Variants in ITSN1 observed in about 807,000 individuals in gnomAD.
ITSN1 encodes intersectin 1.
A neutral mutation model predicts 239.8 loss-of-function variants in ITSN1; 58 were observed. That is an observed-to-expected ratio of 0.24 (90% confidence interval 0.20 to 0.30). The LOEUF (loss-of-function observed/expected upper bound fraction) is 0.30. ITSN1 is among the 10% of genes least tolerant of loss of function. The probability of loss-of-function intolerance (pLI) is 1.00; values close to 1 mark genes in which losing one functional copy is unlikely to be tolerated. For missense variants in ITSN1, 1,558 were observed against 2,103.3 expected (o/e 0.74, Z 5.07); for synonymous variants, 780 against 770.8 (o/e 1.01, Z -0.20).
chr21:33,825,330 G>GA (rs374488777), intron 25 of ITSN1, among the ~76,000 whole-genome samples: 31 of 149,798 alleles, frequency 2.1e-4, no homozygotes, highest in African/African-American at 2.9e-4. Context: ...CAATAATAAT[G>GA]AAAAAAAAAC....
intron 29 of ITSN1, among the ~76,000 whole-genome samples, chr21:33,845,814 C>T (rs2074972951): frequency 6.6e-6 from 1 of 152,184 alleles, no homozygotes; most frequent in East Asian, 1.9e-4. Context: ...TCCAAATGGC[C>T]CTGTTGAAAA....
At chr21:33,871,807 T>G (rs1478298103) in intron 33 of ITSN1, among the ~76,000 whole-genome samples, 1 of 152,080 alleles carries the variant, frequency 6.6e-6, no homozygotes, top group African/African-American at 2.4e-5. Context: ...CAGTATGGAA[T>G]AGCAGTGAAG....
intron 27 of ITSN1, among the ~76,000 whole-genome samples, chr21:33,832,723 G>C (rs1476982428): frequency 6.6e-6 from 1 of 152,162 alleles, no homozygotes; most frequent in Non-Finnish European, 1.5e-5. Context: ...AAAAGCTTTA[G>C]TCCTTGAGCC....
intron 1 of ITSN1, among the ~76,000 whole-genome samples, chr21:33,654,591 C>T (rs754665777): frequency 9.9e-5 from 15 of 152,098 alleles, no homozygotes; most frequent in Non-Finnish European, 1.8e-4. Flanking sequence ...ACACAAAAGA[C>T]ATAATACATT....
chr21:33,791,450 C>A (rs1000254702), intron 16 of ITSN1, among the ~76,000 whole-genome samples: 1 of 152,146 alleles, frequency 6.6e-6, no homozygotes, highest in African/African-American at 2.4e-5. Context: ...TACTCAAAAA[C>A]AAGTGTGTTT....
At chr21:33,817,859 T>C (rs2073393698) in intron 22 of ITSN1, 1 of 327,160 alleles carries the variant, frequency 3.1e-6, no homozygotes, top group South Asian at 3.2e-5. Flanking sequence ...TGATAGTTCA[T>C]AAAATGTCTG....
At chr21:33,838,914 A>T (rs1165321805) in intron 29 of ITSN1, among the ~76,000 whole-genome samples, 1 of 152,208 alleles carries the variant, frequency 6.6e-6, no homozygotes, top group Non-Finnish European at 1.5e-5. Flanking sequence ...AAACTTGCAC[A>T]TGCCCCACGT....
At chr21:33,705,638 C>T (rs1363789820) in intron 1 of ITSN1, among the ~76,000 whole-genome samples, 3 of 152,092 alleles carry the variant, frequency 2.0e-5, no homozygotes, top group East Asian at 1.9e-4. Flanking sequence ...ATGATCCGCC[C>T]GCCTCAGCCT....
At chr21:33,671,414 G>A (rs188393281) in intron 1 of ITSN1, among the ~76,000 whole-genome samples, 90 of 152,048 alleles carry the variant, frequency 5.9e-4, no homozygotes, top group African/African-American at 2.0e-3. Context: ...AGCCTCCGGA[G>A]TAGCTGGGAT....
chr21:33,661,774 G>A (rs2089576105), intron 1 of ITSN1, among the ~76,000 whole-genome samples: 1 of 152,078 alleles, frequency 6.6e-6, no homozygotes, highest in Admixed American at 6.6e-5. Context: ...GTTTTCTAAG[G>A]GGTTTCCCCT....
At chr21:33,695,272 C>G (rs747497419) in intron 1 of ITSN1, among the ~76,000 whole-genome samples, 19 of 152,206 alleles carry the variant, frequency 1.2e-4, no homozygotes, top group Non-Finnish European at 1.9e-4. Context: ...GGCCTTACCT[C>G]TTTCCTTGTG....
Position 33,811,143 on chromosome 21 carries a change from C to T in ITSN1, c.2488C>T (p.Arg830Cys), listed in dbSNP as rs768901601. 25 of 1,613,292 alleles carry T rather than the reference C, an allele frequency of 1.5e-5. No individual in the cohort carries two copies. In the East Asian group the frequency reaches 2.2e-4, roughly 14 times the overall value. ...TGCCCCTGCCCCCAAACTGGCCTTG[C>T]GTGAGACCCCCGCCCCTTTGGCAGT... is the stretch of plus-strand genomic sequence containing the variant. ...TSAPAPKLAL[R>C]ETPAPLAVTS... Residue 830 changes from arginine (R) to cysteine (C), a missense_variant, in exon 21 of 40, where the codon CGT (arginine) becomes TGT (cysteine). Arg to Cys is a radical substitution (Grantham distance 180). Coordinates refer to ENST00000381318, the MANE Select transcript of ITSN1 (RefSeq NM_003024.3).
intron 29 of ITSN1, chr21:33,837,474 A>AT: frequency 1.0e-6 from 1 of 985,942 alleles, no homozygotes; most frequent in Non-Finnish European, 1.2e-6. Context: ...GACTTGATGT[A>AT]TTTTTTCATT....
Position 33,718,814 on chromosome 21 carries a change from A to G in ITSN1, c.-15A>G. The G allele has an allele frequency of 6.2e-7, 1 of 1,611,996 alleles. No homozygotes were observed. The highest frequency in any genetic ancestry group is 8.5e-7 in the Non-Finnish European group (1 of 1,178,784). ...ACTTACAGGCGTCGATTAGCAAGGT[A>G]AAAGTAACAGAACCATGGCTCAGTT... On this transcript the variant is annotated 5_prime_UTR_variant, in exon 2 of 40. The change abolishes the stop of an existing upstream ORF in the 5' untranslated region. Coordinates refer to ENST00000381318, the MANE Select transcript of ITSN1 (RefSeq NM_003024.3).
intron 16 of ITSN1, among the ~76,000 whole-genome samples, chr21:33,782,701 G>C (rs1012255303): frequency 1.3e-5 from 2 of 152,148 alleles, no homozygotes; most frequent in Non-Finnish European, 2.9e-5. Flanking sequence ...TGGTGTTTCT[G>C]ATTTAACTTT....
intron 1 of ITSN1, among the ~76,000 whole-genome samples, chr21:33,717,904 C>T (rs1043406464): frequency 6.6e-6 from 1 of 152,184 alleles, no homozygotes; most frequent in African/African-American, 2.4e-5. Flanking sequence ...GAGAAGAGGA[C>T]TGGCTTTTTT....
At chr21:33,848,032 G>A (rs1411323311) in intron 29 of ITSN1, among the ~76,000 whole-genome samples, 4 of 152,190 alleles carry the variant, frequency 2.6e-5, no homozygotes, top group Admixed American at 6.5e-5. Context: ...CCACAGCCCC[G>A]TCCATGCCAC....
intron 4 of ITSN1, among the ~76,000 whole-genome samples, chr21:33,725,597 A>G (rs2065785857): frequency 1.3e-5 from 2 of 152,146 alleles, no homozygotes; most frequent in African/African-American, 4.8e-5. Flanking sequence ...CTGTCTCTAA[A>G]AAATAAAAAC....
Position 33,743,766 on chromosome 21 carries a change from C to T in ITSN1, c.347-6377C>T, listed in dbSNP as rs182208348. Among the ~76,000 whole-genome samples the T allele has an allele frequency of 3.0e-4, 46 of 152,212 alleles. No individual in the cohort carries two copies. In the East Asian group the frequency reaches 3.5e-3, roughly 11 times the overall value. On this transcript the variant is annotated intron_variant, in intron 5 of 39. Transcript: ENST00000381318. The stretch of plus-strand genomic sequence containing the variant: ...ACATGTAGAAAAAGAAAGCATATGA[C>T]TTACAAGGGGGAAAATTAGATTATG...
Sources: allele counts gnomAD v4.1 joint callset (sites outside exome capture counted in the v4.1 genomes callset), GRCh38; gene constraint gnomAD v4.1.1; transcripts MANE v1.5; gene names NCBI Gene and HGNC (gene_info 2026-07-23, HGNC 2026-07-21).